PMS1: variants seen among roughly 807,000 people sequenced by gnomAD.
PMS1 encodes the protein PMS1 protein homolog 1.
PMS1 carries 79 observed loss-of-function variants against 93.1 expected under a neutral mutation model. The observed-to-expected ratio is 0.85, with a 90% CI of 0.71 to 1.02. The LOEUF (loss-of-function observed/expected upper bound fraction) is 1.02, where lower values mean the gene tolerates loss of function less well. PMS1 is among the 50% of genes least tolerant of loss of function. The pLI is 0.00. For missense variants in PMS1, 1,064 were observed against 1,085.3 expected (o/e 0.98, Z 0.28); for synonymous variants, 335 against 363.4 (o/e 0.92, Z 0.89).
At chr2:189,799,538 A>G (rs570940062) in intron 3 of PMS1, among the ~76,000 whole-genome samples, 9 of 152,290 alleles carry the variant, frequency 5.9e-5, no homozygotes, top group African/African-American at 1.7e-4. Flanking sequence ...ATGAAATCAT[A>G]TGGTATGTAT....
chr2:189,855,246 C>G (rs1438355478), intron 9 of PMS1, 118 bp downstream of exon 9: 5 of 868,916 alleles, frequency 5.8e-6, no homozygotes, highest in Non-Finnish European at 9.2e-6. Context: ...TCAGAAAATA[C>G]CTTTGGCTTG....
At chr2:189,827,319 A>G (rs1228782919) in intron 5 of PMS1, among the ~76,000 whole-genome samples, 1 of 152,244 alleles carries the variant, frequency 6.6e-6, no homozygotes, top group African/African-American at 2.4e-5. Flanking sequence ...AGAATCCTGT[A>G]CAAATGTAGC....
chr2:189,851,227 G>A (rs887561581), intron 6 of PMS1, among the ~76,000 whole-genome samples: 2 of 152,074 alleles, frequency 1.3e-5, no homozygotes, highest in Non-Finnish European at 2.9e-5. Flanking sequence ...TTATTAAGTG[G>A]CCAACCAAGG....
intron 5 of PMS1, 113 bp downstream of exon 5, chr2:189,818,293 A>T: frequency 1.4e-6 from 1 of 730,108 alleles, no homozygotes; most frequent in Non-Finnish European, 2.3e-6. Context: ...GCCCTCACAA[A>T]ATTTATTTGT....
intron 9 of PMS1, among the ~76,000 whole-genome samples, chr2:189,861,495 A>G (rs1263332409): frequency 6.6e-6 from 1 of 151,668 alleles, no homozygotes; most frequent in Non-Finnish European, 1.5e-5. Flanking sequence ...CATGCCTGTA[A>G]TCCCAGCACT....
At chr2:189,840,972 T>A (rs980703739) in intron 5 of PMS1, among the ~76,000 whole-genome samples, 1 of 152,220 alleles carries the variant, frequency 6.6e-6, no homozygotes, top group African/African-American at 2.4e-5. Context: ...GGGATAATCA[T>A]ACATGAAAAA....
At chr2:189,854,191 C>A in intron 8 of PMS1, 48 bp from the exon 9 acceptor site, 2 of 1,450,572 alleles carry the variant, frequency 1.4e-6, no homozygotes, top group South Asian at 2.6e-5. Flanking sequence ...AAAATCTTGT[C>A]TATTATTTTC....
At chr2:189,844,643 CAAAAAA>C (rs752620656) in intron 6 of PMS1, among the ~76,000 whole-genome samples, 5 of 62,528 alleles carry the variant, frequency 8.0e-5, no homozygotes, top group African/African-American at 2.4e-4. Flanking sequence ...GATTCCATCT[CAAAAAA>C]AAAAAAAAAA....
intron 5 of PMS1, among the ~76,000 whole-genome samples, chr2:189,826,494 T>A (rs1490459631): frequency 1.3e-5 from 2 of 152,046 alleles, no homozygotes; most frequent in East Asian, 3.8e-4. Context: ...TTACTAAATT[T>A]ATTAAATGGT....
rs1352280321 is a variant in PMS1, at chr2:189,791,929, A to G, written c.120A>G (p.Val40=). 6.2e-7 allele frequency: 1 copy of G among 1,613,946 alleles called. No homozygotes were observed. Among genetic ancestry groups the G allele is most frequent in the South Asian group, 1.1e-5 (1 of 91,086 alleles). ...ENSLDAGATS[V]DVKLENYGFD... is the part of the protein sequence containing the mutation. The stretch of plus-strand genomic sequence containing the variant: ...CCTTGGATGCTGGTGCCACAAGCGT[A>G]GATGTTAAACTGGTGAGTGTCCTTG... The change falls in exon 2 of 13, where the codon GTA becomes GTG. Residue 40 remains valine (V), a synonymous_variant. Transcript: ENST00000441310.
chr2:189,873,762 G>A (rs151156844), intron 12 of PMS1, 106 bp downstream of exon 12: 23 of 733,934 alleles, frequency 3.1e-5, no homozygotes, highest in Admixed American at 1.1e-4. Context: ...GCCTCCTAGC[G>A]GGCATCACCA....
intron 12 of PMS1, among the ~76,000 whole-genome samples, chr2:189,876,812 G>C (rs892996418): frequency 6.9e-5 from 9 of 130,850 alleles, no homozygotes; most frequent in Admixed American, 1.8e-4. Flanking sequence ...GGGTCTCACT[G>C]TGTTGCCCAG....
chr2:189,793,603 G>A (rs1359119536), intron 2 of PMS1, among the ~76,000 whole-genome samples: 1 of 152,092 alleles, frequency 6.6e-6, no homozygotes, highest in East Asian at 1.9e-4. Context: ...ATATCTGACA[G>A]ACTTCACTTA....
chr2:189,799,671 C>T (rs911638612), intron 3 of PMS1, among the ~76,000 whole-genome samples: 1 of 152,174 alleles, frequency 6.6e-6, no homozygotes, highest in Non-Finnish European at 1.5e-5. Context: ...CCATCTAGAT[C>T]CCCCACTTCA....
chr2:189,860,991 G>A (rs2055927106), intron 9 of PMS1, among the ~76,000 whole-genome samples: 2 of 151,142 alleles, frequency 1.3e-5, no homozygotes, highest in African/African-American at 2.4e-5. Flanking sequence ...GACAAAGTTC[G>A]TTGTTACTTT....
chr2:189,795,766 T>A lies in PMS1; in HGVS notation c.133-3T>A. On this transcript the variant is annotated splice_polypyrimidine_tract_variant and splice_region_variant and intron_variant, in intron 2 of 12. Coordinates refer to ENST00000441310, the MANE Select transcript of PMS1 (RefSeq NM_000534.5). ...ATTAAAAGTGTTTTTTGACATTTTA[T>A]AGGAGAACTATGGATTTGATAAAAT... The A allele has an allele frequency of 2.5e-6, 4 of 1,611,140 alleles. No individual in the cohort carries two copies. Among genetic ancestry groups the A allele is most frequent in the Non-Finnish European group, 3.4e-6 (4 of 1,177,262 alleles).
At chr2:189,849,678 A>T (rs2054534693) in intron 6 of PMS1, among the ~76,000 whole-genome samples, 1 of 152,004 alleles carries the variant, frequency 6.6e-6, no homozygotes, top group East Asian at 1.9e-4. Flanking sequence ...AGTTTGGCAG[A>T]TAATTCACTC....
rs752602525 is a variant in PMS1, at chr2:189,854,753, C to T, written c.1481C>T (p.Ser494Phe). 31 of 1,613,716 alleles carry T rather than the reference C, an allele frequency of 1.9e-5. No individual in the cohort carries two copies. Among genetic ancestry groups the T allele is most frequent in the Non-Finnish European group, 2.5e-5 (30 of 1,179,868 alleles). ...EAGLENSSEI[S>F]ADEWSRGNIL... ...GGTCTTGAAAACTCTTCGGAAATTT[C>T]TGCAGATGAGTGGAGCAGGGGAAAT... The change falls in exon 9 of 13, where the codon TCT becomes TTT. Residue 494 changes from serine to phenylalanine, a missense_variant. Coordinates refer to ENST00000441310, the MANE Select transcript of PMS1 (RefSeq NM_000534.5).
chr2:189,873,404 G>T, intron 11 of PMS1, 92 bp from the exon 12 acceptor site: 1 of 802,610 alleles, frequency 1.2e-6, no homozygotes, highest in East Asian at 2.5e-5. Flanking sequence ...TTGAATGAGG[G>T]TTCACTAAAT....
Sources: gnomAD v4.1 joint callset for allele counts (sites outside exome capture counted in the v4.1 genomes callset) on GRCh38, gnomAD v4.1.1 for gene constraint, MANE v1.5 for transcripts, NCBI Gene and HGNC (gene_info 2026-07-23, HGNC 2026-07-21) for gene names.